Variants in CADM2 observed in about 807,000 individuals in gnomAD.
CADM2 encodes immunoglobulin superfamily member 4D.
Under a neutral mutation model 49.8 loss-of-function variants are expected in CADM2, and 12 were observed. The observed-to-expected ratio is 0.24, with a 90% CI of 0.15 to 0.39. CADM2 has a LOEUF of 0.39. CADM2 is among the 10% of genes least tolerant of loss of function. The pLI is 1.00. For synonymous variants in CADM2, 214 were observed against 175.4 expected, an observed-to-expected ratio of 1.22 and a Z score of -1.74; for missense variants, 378 against 492.3, an observed-to-expected ratio of 0.77 and a Z score of 2.20.
At chr3:85,839,017 A>C (rs2108257503) in intron 3 of CADM2, among the ~76,000 whole-genome samples, 1 of 151,962 alleles carries the variant, frequency 6.6e-6, no homozygotes, top group South Asian at 2.1e-4. Context: ...AGAGGGAAGA[A>C]CATGTGTTTT....
chr3:85,657,125 T>C lies in CADM2; in HGVS notation c.62-69397T>C, dbSNP rs2065224076. Among the ~76,000 whole-genome samples, 8 of 152,224 alleles carry C rather than the reference T, an allele frequency of 5.3e-5. No homozygotes were observed. The South Asian group carries it at 1.7e-3, about 31-fold the overall frequency. On this transcript the variant is annotated intron_variant, in intron 1 of 9. Transcript: ENST00000383699. ...ACGAGGGCTTTTCTAAACTTTTAGC[T>C]AGCTATATTTCTCTCTCCTTCTTTG... is the stretch of plus-strand genomic sequence containing the variant.
intron 8 of CADM2, among the ~76,000 whole-genome samples, chr3:85,999,551 AAGGAAGGC>A (rs1451170847): frequency 2.1e-5 from 3 of 145,542 alleles, no homozygotes; most frequent in Admixed American, 1.4e-4. Flanking sequence ...GGAAAGAAAG[AAGGAAGGC>A]AGGAAGGCAG....
chr3:85,112,927 A>AT (rs1356729743), intron 1 of CADM2, among the ~76,000 whole-genome samples: 1 of 151,742 alleles, frequency 6.6e-6, no homozygotes, highest in Non-Finnish European at 1.5e-5. Context: ...TTTATCATAT[A>AT]TTTTATATGT....
intron 1 of CADM2, among the ~76,000 whole-genome samples, chr3:85,403,861 T>C (rs2035241251): frequency 6.6e-6 from 1 of 152,108 alleles, no homozygotes; most frequent in Non-Finnish European, 1.5e-5. Flanking sequence ...GTATGACATG[T>C]TAAAAATGCA....
chr3:85,573,672 A>C (rs1483670653), intron 1 of CADM2, among the ~76,000 whole-genome samples: 1 of 152,210 alleles, frequency 6.6e-6, no homozygotes, highest in African/African-American at 2.4e-5. Context: ...ATTGTCCATA[A>C]AGTGAAGTGT....
chr3:85,368,907 A>G (rs1260500149), intron 1 of CADM2, among the ~76,000 whole-genome samples: 1 of 152,162 alleles, frequency 6.6e-6, no homozygotes, highest in Non-Finnish European at 1.5e-5. Flanking sequence ...AGGATGTAGT[A>G]CAATCCCTAT....
At chr3:85,967,187 A>G (rs1391754705) in intron 8 of CADM2, among the ~76,000 whole-genome samples, 25 of 151,786 alleles carry the variant, frequency 1.6e-4, no homozygotes, top group Non-Finnish European at 1.5e-5. Flanking sequence ...ATGTAGACAC[A>G]TATCGTTTTC....
At chr3:85,917,765 G>A (rs1718556064) in intron 6 of CADM2, among the ~76,000 whole-genome samples, 1 of 152,124 alleles carries the variant, frequency 6.6e-6, no homozygotes, top group South Asian at 2.1e-4. Flanking sequence ...GGGCAGTATG[G>A]CCATTTTCAC....
chr3:85,188,457 T>C (rs1027684946), intron 1 of CADM2, among the ~76,000 whole-genome samples: 10 of 152,238 alleles, frequency 6.6e-5, no homozygotes, highest in African/African-American at 2.4e-4. Flanking sequence ...TAATTATTTC[T>C]GTATTTGCTC....
chr3:85,030,635 T>C (rs904544237), intron 1 of CADM2, among the ~76,000 whole-genome samples: 24 of 152,200 alleles, frequency 1.6e-4, no homozygotes, highest in African/African-American at 5.8e-4. Flanking sequence ...TGAATTCCCT[T>C]GACCCTCCAT....
At chr3:85,468,176 A>AAAAG (rs1317504065) in intron 1 of CADM2, among the ~76,000 whole-genome samples, 8 of 151,048 alleles carry the variant, frequency 5.3e-5, no homozygotes, top group African/African-American at 2.0e-4. Context: ...AAAAAAAAAA[A>AAAAG]AAAAACATTG....
At position 85,957,341 on chromosome 3, in the gene CADM2, T is replaced by C. The variant is rs1342614508; in HGVS notation, c.792-4128T>C. On this transcript the variant is annotated intron_variant, in intron 7 of 9. Coordinates refer to ENST00000383699, the MANE Select transcript of CADM2 (RefSeq NM_001167675.2). ...TTTCCAATATATTATATTTTTCCAA[T>C]ATTTTATATACCTAGTTTCTTCACT... Among the ~76,000 whole-genome samples the C allele has an allele frequency of 1.4e-4, 21 of 151,774 alleles. No homozygotes were observed. The Admixed American group carries it at 1.4e-3, about 10-fold the overall frequency.
In CADM2 at chr3:85,883,082, A is replaced by T. The variant is rs1450053069; in HGVS notation, c.239-209A>T. Among the ~76,000 whole-genome samples the T allele has an allele frequency of 5.3e-5, 8 of 152,230 alleles. No individual in the cohort carries two copies. The East Asian group carries it at 1.5e-3, about 29-fold the overall frequency. ...TAATAAAAAAGTTATTTCTGAAAAC[A>T]TTAAGGAGCACCTAATTCTACTTTG... On this transcript the variant is annotated intron_variant, in intron 3 of 9. Coordinates refer to ENST00000383699, the MANE Select transcript of CADM2 (RefSeq NM_001167675.2).
chr3:85,498,356 T>C (rs2039988389), intron 1 of CADM2, among the ~76,000 whole-genome samples: 1 of 152,154 alleles, frequency 6.6e-6, no homozygotes, highest in South Asian at 2.1e-4. Context: ...TGAGCTATAA[T>C]GCTGTTGGTC....
chr3:85,858,387 C>G (rs1422200938), intron 3 of CADM2, among the ~76,000 whole-genome samples: 1 of 152,214 alleles, frequency 6.6e-6, no homozygotes, highest in Non-Finnish European at 1.5e-5. Flanking sequence ...GACACAAGCA[C>G]TTCAGTGAGA....
intron 1 of CADM2, among the ~76,000 whole-genome samples, chr3:85,141,910 C>A (rs2039589692): frequency 6.6e-6 from 1 of 152,120 alleles, no homozygotes; most frequent in Non-Finnish European, 1.5e-5. Context: ...ATTTGTTGCT[C>A]AAGCTAGATT....
chr3:86,045,415 G>T (rs1335180122), intron 8 of CADM2, among the ~76,000 whole-genome samples: 1 of 151,974 alleles, frequency 6.6e-6, no homozygotes, highest in Non-Finnish European at 1.5e-5. Flanking sequence ...ATAAAGGCAG[G>T]CATTACATTG....
intron 1 of CADM2, among the ~76,000 whole-genome samples, chr3:85,349,030 T>G (rs1292480575): frequency 6.6e-6 from 1 of 152,186 alleles, no homozygotes; most frequent in Admixed American, 6.5e-5. Flanking sequence ...AATCATAATT[T>G]TCTGTATAAC....
At chr3:85,072,592 C>T (rs1312272585) in intron 1 of CADM2, among the ~76,000 whole-genome samples, 1 of 152,064 alleles carries the variant, frequency 6.6e-6, no homozygotes, top group Non-Finnish European at 1.5e-5. Context: ...TGTTGATGCA[C>T]AATGGATTTA....
Sources: allele counts gnomAD v4.1 joint callset (sites outside exome capture counted in the v4.1 genomes callset), GRCh38; gene constraint gnomAD v4.1.1; transcripts MANE v1.5; gene names NCBI Gene and HGNC (gene_info 2026-07-23, HGNC 2026-07-21).